The following JMJD1C variants were observed in gnomAD, a reference collection of about 807,000 sequenced individuals.
JMJD1C encodes the protein jumonji domain-containing protein 1C.
In JMJD1C, 31 loss-of-function variants were observed where a neutral mutation model predicts 245.3. The ratio of observed to expected loss-of-function variants is 0.13; its 90% CI spans 0.09 to 0.17. The LOEUF is 0.17. JMJD1C is among the 10% of genes least tolerant of loss of function. The pLI, the probability that JMJD1C is intolerant of heterozygous loss-of-function variation, is 1.00. For missense variants in JMJD1C, 2,691 were observed against 3,000.2 expected, an observed-to-expected ratio of 0.90 and a Z score of 2.41; for synonymous variants, 1,057 against 1,017.4, an observed-to-expected ratio of 1.04 and a Z score of -0.74.
At chr10:63,377,416 C>T (rs1350589797) in intron 2 of JMJD1C, among the ~76,000 whole-genome samples, 1 of 152,016 alleles carries the variant, frequency 6.6e-6, no homozygotes, top group African/African-American at 2.4e-5. Flanking sequence ...GTACATTTTA[C>T]CACAATTAAA....
At chr10:63,501,335 T>C (rs966981471) in intron 1 of JMJD1C, among the ~76,000 whole-genome samples, 1 of 152,246 alleles carries the variant, frequency 6.6e-6, no homozygotes, top group Non-Finnish European at 1.5e-5. Flanking sequence ...TGAAAAAGAC[T>C]GTGAAAAAGA....
intron 10 of JMJD1C, among the ~76,000 whole-genome samples, chr10:63,201,367 G>T (rs978104263): frequency 6.6e-6 from 1 of 151,886 alleles, no homozygotes. Context: ...AAATTAACTT[G>T]GCTATCTTTA....
At chr10:63,314,205 G>C (rs758423755) in intron 2 of JMJD1C, among the ~76,000 whole-genome samples, 1 of 152,134 alleles carries the variant, frequency 6.6e-6, no homozygotes, top group Admixed American at 6.5e-5. Flanking sequence ...GTTTTTGTTT[G>C]TTTTGTTGAG....
At chr10:63,455,604 A>AT (rs919460721) in intron 1 of JMJD1C, among the ~76,000 whole-genome samples, 18 of 151,446 alleles carry the variant, frequency 1.2e-4, no homozygotes, top group African/African-American at 1.7e-4. Flanking sequence ...CCAGATTCAG[A>AT]TTTTTTTTTC....
At position 63,496,051 on chromosome 10, in the gene JMJD1C, TA is replaced by T. The variant is rs1184553476; in HGVS notation, n.113+25686del. On this transcript the variant is annotated intron_variant and non_coding_transcript_variant, in intron 1 of 3. Coordinates refer to the JMJD1C transcript ENST00000633035. ...CAATTGCACTAAAAAAAAAAAAAAT[TA>T]AAAAAAAAAAAACCTCAAACCTAAA... Among the ~76,000 whole-genome samples, 893 of 124,454 alleles carry T rather than the reference TA, an allele frequency of 7.2e-3. 3 individuals are homozygous for T. The highest frequency in any genetic ancestry group is 0.012 in the Non-Finnish European group (687 of 57,052). The allele number at this position is 124,454 out of a possible 152,430, so 81.6% of individuals were successfully genotyped here.
At chr10:63,385,443 T>G (rs1236662677) in intron 1 of JMJD1C, among the ~76,000 whole-genome samples, 3 of 70,836 alleles carry the variant, frequency 4.2e-5, no homozygotes, top group Admixed American at 1.5e-4. Context: ...TTTTTTTTTT[T>G]GCTTTTTTTT....
intron 3 of JMJD1C, chr10:63,222,791 C>A (rs746080095): frequency 7.3e-5 from 107 of 1,461,522 alleles, no homozygotes; most frequent in Non-Finnish European, 9.8e-5. Context: ...GAAGTCAATT[C>A]CTAGTGAAAA....
chr10:63,395,003 C>T (rs958778427), intron 1 of JMJD1C, among the ~76,000 whole-genome samples: 5 of 152,088 alleles, frequency 3.3e-5, no homozygotes, highest in Non-Finnish European at 7.3e-5. Context: ...ATATAAAACA[C>T]TTTTGAAACT....
In JMJD1C at chr10:63,187,179, T is replaced by A. The variant is rs1020947728; in HGVS notation, c.6571-796A>T. ...AGAAAAAACACCCTAAATTCTGGTT[T>A]ACTACATGGTTGAATGTTCCATTAA... On this transcript the variant is annotated intron_variant, in intron 18 of 25. Coordinates refer to ENST00000399262, the MANE Select transcript of JMJD1C (RefSeq NM_032776.3). Among the ~76,000 whole-genome samples the A allele has an allele frequency of 2.9e-4, 44 of 152,278 alleles. No individual in the cohort carries two copies. In the East Asian group the frequency reaches 6.9e-3, roughly 24 times the overall value.
At chr10:63,338,101 A>G (rs1370979162) in intron 2 of JMJD1C, among the ~76,000 whole-genome samples, 1 of 152,202 alleles carries the variant, frequency 6.6e-6, no homozygotes, top group Non-Finnish European at 1.5e-5. Flanking sequence ...TACTATTTCT[A>G]AAGAGTTTAT....
chr10:63,267,199 TAAAAG>T (rs1340506806), intron 2 of JMJD1C, among the ~76,000 whole-genome samples: 2 of 152,158 alleles, frequency 1.3e-5, no homozygotes, highest in African/African-American at 2.4e-5. Context: ...TAGTATTTGT[TAAAAG>T]AAATGTTTCA....
intron 3 of JMJD1C, among the ~76,000 whole-genome samples, chr10:63,220,694 TTCTC>T (rs371157211): frequency 1.3e-5 from 2 of 150,892 alleles, no homozygotes; most frequent in East Asian, 1.9e-4. Flanking sequence ...TGATATTCTG[TTCTC>T]TCTCTCTCTC....
intron 1 of JMJD1C, among the ~76,000 whole-genome samples, chr10:63,500,027 A>G (rs1297602400): frequency 6.6e-6 from 1 of 152,234 alleles, no homozygotes; most frequent in Non-Finnish European, 1.5e-5. Flanking sequence ...GCCTTGAATT[A>G]GTCATATTTT....
chr10:63,434,574 G>A (rs1037731055), intron 1 of JMJD1C, among the ~76,000 whole-genome samples: 2 of 151,978 alleles, frequency 1.3e-5, no homozygotes, highest in Non-Finnish European at 2.9e-5. Flanking sequence ...TCTAAGCAAT[G>A]AGATAAAGAT....
At chr10:63,183,310 G>A (rs1843711122) in intron 22 of JMJD1C, 137 bp downstream of exon 22, 8 of 644,034 alleles carry the variant, frequency 1.2e-5, no homozygotes, top group South Asian at 7.3e-5. Context: ...AAGTAATAAG[G>A]GCTAAAATGC....
At chr10:63,264,827 A>C in intron 2 of JMJD1C, 63 bp from the exon 3 acceptor site, 2 of 740,900 alleles carry the variant, frequency 2.7e-6, no homozygotes, top group Non-Finnish European at 2.4e-6. Context: ...ATTATGAAGG[A>C]ACACACACCA....
chr10:63,448,210 G>A (rs1951824879), intron 1 of JMJD1C, among the ~76,000 whole-genome samples: 1 of 152,106 alleles, frequency 6.6e-6, no homozygotes, highest in Admixed American at 6.5e-5. Context: ...AGGCTGGAGT[G>A]TAGCGGTACA....
intron 2 of JMJD1C, among the ~76,000 whole-genome samples, chr10:63,378,031 A>G (rs979967506): frequency 2.0e-5 from 3 of 150,670 alleles, no homozygotes; most frequent in African/African-American, 7.3e-5. Context: ...AATAGGACTA[A>G]AAAGATAATC....
chr10:63,429,315 C>A lies in JMJD1C; in HGVS notation c.168+36180G>T, dbSNP rs577347821. 2.0e-5 allele frequency among the ~76,000 whole-genome samples: 3 copies of A among 151,776 alleles called. No individual in the cohort carries two copies. In the East Asian group the frequency reaches 5.8e-4, roughly 29 times the overall value. Reference sequence around the variant, plus strand: ...TTTTAACTCAGGGGGAATAGCACCTCAAAATGTTGCCTCAGGATCTGAGAA... The same window carrying A: ...TTTTAACTCAGGGGGAATAGCACCTAAAAATGTTGCCTCAGGATCTGAGAA... On this transcript the variant is annotated intron_variant, in intron 1 of 25. Transcript: ENST00000399262.
Sources: gnomAD v4.1 joint callset for allele counts (sites outside exome capture counted in the v4.1 genomes callset) on GRCh38, gnomAD v4.1.1 for gene constraint, MANE v1.5 for transcripts, NCBI Gene and HGNC (gene_info 2026-07-23, HGNC 2026-07-21) for gene names.